EPS8L1: variants seen among roughly 807,000 people sequenced by gnomAD.
The protein encoded by EPS8L1 is epidermal growth factor receptor kinase substrate 8-like protein 1.
In EPS8L1, 101 loss-of-function variants were observed where a neutral mutation model predicts 91.7. That is an observed-to-expected ratio of 1.10 (90% CI 0.94 to 1.30). The LOEUF is 1.30. Ranked by LOEUF, EPS8L1 falls within the 50% of genes most tolerant of loss-of-function variation. The pLI, the probability that EPS8L1 is intolerant of heterozygous loss-of-function variation, is 0.00. For missense variants in EPS8L1, 1,114 were observed against 1,017.0 expected, an observed-to-expected ratio of 1.10 and a Z score of -1.30; for synonymous variants, 506 against 445.3, an observed-to-expected ratio of 1.14 and a Z score of -1.72.
rs1287482270 is a variant in EPS8L1, at chr19:55,083,240, G to A, written c.1215-138G>A. On this transcript the variant is annotated intron_variant, in intron 12 of 19. Coordinates refer to ENST00000201647, the MANE Select transcript of EPS8L1 (RefSeq NM_133180.3). The surrounding 1 kb of genome is among the most constrained non-coding windows in gnomAD (Gnocchi z 4.7). ...TGAGTTGGGCTTAGAGCTACCGGCA[G>A]GACTTGGTGAAAAGTGGCGGGGCTA... The A allele has an allele frequency of 1.7e-6, 2 of 1,186,504 alleles. No individual in the cohort carries two copies. The highest frequency in any genetic ancestry group is 2.4e-6 in the Non-Finnish European group (2 of 839,008). The allele number at this position is 1,186,504 out of a possible 1,614,324, so 73.5% of individuals were successfully genotyped here. A position where few individuals can be genotyped will look rare whatever the true frequency, so the allele number is the denominator to read the frequency against.
Position 55,086,862 on chromosome 19 carries a change from G to A in EPS8L1, c.1926G>A (p.Trp642Ter), listed in dbSNP as rs1172232598. 4 of 1,472,048 alleles carry A rather than the reference G, an allele frequency of 2.7e-6. No homozygotes were observed. The highest frequency in any genetic ancestry group is 3.6e-6 in the Non-Finnish European group (4 of 1,117,952). The allele number at this position is 1,472,048 out of a possible 1,614,324, so 91.2% of individuals were successfully genotyped here. ...PGSDASEVRA[W>*]LQAKGFSSGT... Reference sequence around the variant, plus strand: ...CGGACGCCTCCGAGGTCCGCGCCTGGCTGCAGGCCAAGGGCTTTAGCTCCG... The same window carrying A: ...CGGACGCCTCCGAGGTCCGCGCCTGACTGCAGGCCAAGGGCTTTAGCTCCG... Residue 642 changes from tryptophan (W) to a stop codon, truncating the protein, a stop_gained, in exon 18 of 20, where the codon TGG becomes TGA. Transcript: ENST00000201647. LOFTEE classifies it high-confidence loss of function.
chr19:55,079,046 T>C lies in EPS8L1; in HGVS notation c.106T>C (p.Tyr36His). 3.1e-6 allele frequency: 5 copies of C among 1,613,972 alleles called. No homozygotes were observed. The highest frequency in any genetic ancestry group is 4.2e-6 in the Non-Finnish European group (5 of 1,179,898). The part of the protein sequence containing the change: ...STVVMADVSQ[Y>H]PVNHLVTFCL... ...AGTTGTTATGGCTGATGTATCCCAG[T>C]ACCCAGTCAATGTGAGTCTGGGGTC... The change falls in exon 4 of 20, where the codon TAC becomes CAC. Residue 36 changes from tyrosine to histidine, a missense_variant. Physicochemically the swap from Tyr to His is moderately conservative, Grantham distance 83. Coordinates refer to ENST00000201647, the MANE Select transcript of EPS8L1 (RefSeq NM_133180.3).
chr19:55,086,506 C>T lies in EPS8L1; in HGVS notation c.1765C>T (p.Pro589Ser). 6.4e-7 allele frequency: 1 copy of T among 1,551,296 alleles called. No individual in the cohort carries two copies. Residue 589 changes from proline to serine, a missense_variant, in exon 17 of 20, where the codon CCC (proline) becomes TCC (serine). Physicochemically the swap from Pro to Ser is moderately conservative, Grantham distance 74. Coordinates refer to ENST00000201647, the MANE Select transcript of EPS8L1 (RefSeq NM_133180.3). ...CTGCGATAGCCTCAACGGCTTGGAC[C>T]CCAGCGAGAAGGGTGAGTGGTGGGG... ...DSCDSLNGLDPSEKEKFSQML... is the reference protein window; with the variant it reads ...DSCDSLNGLDSSEKEKFSQML...
In EPS8L1 at chr19:55,082,073, G is replaced by A; in HGVS notation, c.902-19G>A. 5 of 1,566,974 alleles carry A rather than the reference G, an allele frequency of 3.2e-6. No individual in the cohort carries two copies. Among genetic ancestry groups the A allele is most frequent in the Non-Finnish European group, 4.3e-6 (5 of 1,156,274 alleles). On this transcript the variant is annotated intron_variant, in intron 9 of 19. Transcript: ENST00000201647. ...GCTGGCCCCGCGTCCCCATCGCCGCGCCCGTCTGCTCCCCTCAGAGGGCTT... is the reference window on the plus strand; with the variant it reads ...GCTGGCCCCGCGTCCCCATCGCCGCACCCGTCTGCTCCCCTCAGAGGGCTT...
chr19:55,085,925 G>A lies in EPS8L1; in HGVS notation c.1470G>A (p.Gln490=). 1 of 1,613,822 alleles carries A rather than the reference G, an allele frequency of 6.2e-7. No individual in the cohort carries two copies. The highest frequency in any genetic ancestry group is 2.2e-5 in the East Asian group (1 of 44,842). The change falls in exon 15 of 20, where the codon CAG becomes CAA. Residue 490 remains glutamine, a synonymous_variant. Coordinates refer to ENST00000201647, the MANE Select transcript of EPS8L1 (RefSeq NM_133180.3). ...GKWVLCNYDF[Q]ARNSSELSVK... The stretch of plus-strand genomic sequence containing the variant: ...GGGTCCTGTGTAATTATGACTTCCA[G>A]GCCCGCAACAGCAGTGAGCTGTCGG...
Position 55,083,139 on chromosome 19 carries a change from TCCCATC to T in EPS8L1, c.1215-238_1215-233del, listed in dbSNP as rs2076306405. Among the ~76,000 whole-genome samples the T allele has an allele frequency of 6.6e-6, 1 of 152,146 alleles. No individual in the cohort carries two copies. Among genetic ancestry groups the T allele is most frequent in the South Asian group, 2.1e-4 (1 of 4,832 alleles). ...TGGAACTCCTGGCCTCAAGCGATCC[TCCCATC>T]TTGGCCTCCCAAAATGCTGGGATTA... On this transcript the variant is annotated intron_variant, in intron 12 of 19. Coordinates refer to ENST00000201647, the MANE Select transcript of EPS8L1 (RefSeq NM_133180.3). This position sits in a 1 kb window ranked among gnomAD's most constrained non-coding sequence, Gnocchi z 4.7.
intron 1 of EPS8L1, 149 bp downstream of exon 1, chr19:55,076,068 C>A: frequency 8.0e-6 from 2 of 248,964 alleles, no homozygotes; most frequent in Non-Finnish European, 7.5e-6. Context: ...GCCTGGGGTC[C>A]TGGACTCCTA....
At chr19:55,079,177 C>A in intron 4 of EPS8L1, 120 bp downstream of exon 4, 1 of 1,097,732 alleles carries the variant, frequency 9.1e-7, no homozygotes, top group Non-Finnish European at 1.4e-6. Context: ...TCAGTTTGCC[C>A]ATCCATAAAA....
intron 17 of EPS8L1, 23 bp from the exon 18 acceptor site, chr19:55,086,691 A>C (rs746254398): frequency 6.7e-7 from 1 of 1,497,510 alleles, no homozygotes; most frequent in African/African-American, 1.5e-5. Flanking sequence ...CGCACTCCCT[A>C]CCTCCCGGTT....
At position 55,082,255 on chromosome 19, in the gene EPS8L1, C is replaced by A. The variant is rs748753105; in HGVS notation, c.991-20C>A. The A allele has an allele frequency of 6.2e-7, 1 of 1,608,136 alleles. No homozygotes were observed. The highest frequency in any genetic ancestry group is 1.3e-5 in the African/African-American group (1 of 74,812). Reference sequence around the variant, plus strand: ...CCCGTCCCCGCACCCACGCCAACCACCTCCCTCCCCACGCCCCAGGCCCGG... The same window carrying A: ...CCCGTCCCCGCACCCACGCCAACCAACTCCCTCCCCACGCCCCAGGCCCGG... On this transcript the variant is annotated intron_variant, in intron 10 of 19. Transcript: ENST00000201647.
rs1237233333 is a variant in EPS8L1 at position 55,081,122 on chromosome 19, C to T, written c.513-109C>T. ...TTCTCCCTACCTCGTTGAACTTGTTCACTCCCTTTGAGCCTTTTGAGCCTG... is the reference window on the plus strand; with the variant it reads ...TTCTCCCTACCTCGTTGAACTTGTTTACTCCCTTTGAGCCTTTTGAGCCTG... On this transcript the variant is annotated intron_variant, in intron 7 of 19. Transcript: ENST00000201647. This position sits in a 1 kb window ranked among gnomAD's most constrained non-coding sequence, Gnocchi z 4.9. 2 of 1,327,352 alleles carry T rather than the reference C, an allele frequency of 1.5e-6. No homozygotes were observed. The highest frequency in any genetic ancestry group is 2.0e-6 in the Non-Finnish European group (2 of 1,003,236). 82.2% of individuals were successfully genotyped at this position (1,327,352 alleles called of 1,614,324 possible). A position where few individuals can be genotyped will look rare whatever the true frequency, so the allele number is the denominator to read the frequency against.
intron 1 of EPS8L1, among the ~76,000 whole-genome samples, chr19:55,076,127 GGA>G (rs112632410): frequency 2.6e-4 from 31 of 119,006 alleles, no homozygotes; most frequent in Non-Finnish European, 3.3e-4. Context: ...GTCTGAGGGA[GGA>G]GGAGATGGGG....
intron 2 of EPS8L1, among the ~76,000 whole-genome samples, chr19:55,077,863 A>ACACTTTGGGT (rs2076161511): frequency 1.3e-5 from 2 of 150,582 alleles, no homozygotes; most frequent in Non-Finnish European, 3.0e-5. Flanking sequence ...CTGGGATTAC[A>ACACTTTGGGT]GGCGTGAGCC....
intron 2 of EPS8L1, 44 bp downstream of exon 2, chr19:55,076,505 C>T (rs751522702): frequency 1.8e-5 from 28 of 1,596,374 alleles, no homozygotes; most frequent in South Asian, 8.9e-5. Flanking sequence ...GCACGCCTCC[C>T]GCCTCCCCTC....
rs775419231 is a variant in EPS8L1 at position 55,081,506 on chromosome 19, G to T, written c.774+14G>T. ...GAGCGGGAAGTGGTGAGCCGCTAAG[G>T]AAGGGGTCTGGGGGCAGGGCCAGGC... On this transcript the variant is annotated intron_variant, in intron 8 of 19. Coordinates refer to ENST00000201647, the MANE Select transcript of EPS8L1 (RefSeq NM_133180.3). This position sits in a 1 kb window ranked among gnomAD's most constrained non-coding sequence, Gnocchi z 4.9. 8.3e-6 allele frequency: 13 copies of T among 1,565,524 alleles called. No homozygotes were observed. The African/African-American group carries it at 1.5e-4, about 18-fold the overall frequency.
chr19:55,080,950 G>C, intron 7 of EPS8L1, 96 bp downstream of exon 7: 1 of 1,225,454 alleles, frequency 8.2e-7, no homozygotes, highest in African/African-American at 1.5e-5. Context: ...CAAGAGTTTT[G>C]CATGGAGTCA....
At position 55,081,986 on chromosome 19, in the gene EPS8L1, C is replaced by A. The variant is rs1387875218; in HGVS notation, c.901+87C>A. The A allele has an allele frequency of 1.9e-6, 3 of 1,555,496 alleles. No individual in the cohort carries two copies. The South Asian group carries it at 3.5e-5, about 18-fold the overall frequency. The stretch of plus-strand genomic sequence containing the variant: ...CTCCCCAGGCTCTCCCCTCCCGCCA[C>A]TTGCCAGGGCTGACCTCACCGCCAT... On this transcript the variant is annotated intron_variant, in intron 9 of 19. Coordinates refer to ENST00000201647, the MANE Select transcript of EPS8L1 (RefSeq NM_133180.3). The surrounding 1 kb of genome is among the most constrained non-coding windows in gnomAD (Gnocchi z 4.9).
intron 6 of EPS8L1, 143 bp from the exon 7 acceptor site, chr19:55,080,628 CG>C: frequency 6.4e-7 from 1 of 1,564,180 alleles, no homozygotes; most frequent in Non-Finnish European, 8.7e-7. Context: ...GGGGTGAGTT[CG>C]GGGCGTGGAC....
chr19:55,076,251 T>G, intron 1 of EPS8L1, 157 bp from the exon 2 acceptor site: 7 of 608,624 alleles, frequency 1.2e-5, no homozygotes, highest in Non-Finnish European at 2.0e-5. Context: ...GACTGGGGCC[T>G]GGACTTCTGG....
Sources: allele counts gnomAD v4.1 joint callset (sites outside exome capture counted in the v4.1 genomes callset), GRCh38; gene constraint gnomAD v4.1.1; non-coding constraint Gnocchi (gnomAD v3.1); transcripts MANE v1.5; gene names NCBI Gene and HGNC (gene_info 2026-07-23, HGNC 2026-07-21).